Variants in NXPH2 observed in about 807,000 individuals in gnomAD.
The protein encoded by NXPH2 is neurexophilin 2.
Under a neutral mutation model 19.8 loss-of-function variants are expected in NXPH2, and 5 were observed. That is an observed-to-expected ratio of 0.25 (90% confidence interval 0.13 to 0.53). NXPH2 has a LOEUF of 0.53. Ranked by LOEUF, NXPH2 falls within the 20% of genes least tolerant of loss-of-function variation. The pLI, the probability that NXPH2 is intolerant of heterozygous loss-of-function variation, is 0.96. For missense variants in NXPH2, 289 were observed against 322.8 expected (o/e 0.90, Z 0.80); for synonymous variants, 154 against 127.4 (o/e 1.21, Z -1.41).
intron 1 of NXPH2, among the ~76,000 whole-genome samples, chr2:138,764,651 A>G (rs185254999): frequency 1.1e-3 from 165 of 152,340 alleles, no homozygotes; most frequent in Non-Finnish European, 1.6e-3. Flanking sequence ...AGGACTATCT[A>G]TCTATCTATC....
Position 138,710,225 on chromosome 2 carries a change from G to A in NXPH2, c.52-38560C>T, listed in dbSNP as rs369263158. 1.8e-4 allele frequency among the ~76,000 whole-genome samples: 28 copies of A among 152,190 alleles called. No homozygotes were observed. The South Asian group carries it at 2.9e-3, about 16-fold the overall frequency. On this transcript the variant is annotated intron_variant, in intron 1 of 1. Transcript: ENST00000272641. ...TAATGTTTTCAGGTTTGTCCATGCC[G>A]TAAATATATCAGAACTCCATTCCTT... is the stretch of plus-strand genomic sequence containing the variant.
chr2:138,673,191 G>A (rs1204093815), intron 1 of NXPH2, among the ~76,000 whole-genome samples: 4 of 152,046 alleles, frequency 2.6e-5, no homozygotes, highest in Non-Finnish European at 4.4e-5. Context: ...CTTACATTTT[G>A]AGAACCTAAA....
At chr2:138,687,092 G>A (rs1680670605) in intron 1 of NXPH2, among the ~76,000 whole-genome samples, 1 of 152,126 alleles carries the variant, frequency 6.6e-6, no homozygotes, top group Admixed American at 6.5e-5. Context: ...TGGGTCAAAT[G>A]GTATTTCTAG....
chr2:138,744,294 A>G (rs1681691662), intron 1 of NXPH2, among the ~76,000 whole-genome samples: 1 of 152,156 alleles, frequency 6.6e-6, no homozygotes, highest in African/African-American at 2.4e-5. Flanking sequence ...AGTCTGTGAA[A>G]CTGATGATTG....
At chr2:138,759,729 C>CT (rs772878668) in intron 1 of NXPH2, among the ~76,000 whole-genome samples, 36,861 of 126,542 alleles carry the variant, frequency 0.29, 6,349 homozygotes, top group East Asian at 0.63. Flanking sequence ...CCTATGCCAC[C>CT]TTTTTTTTTT....
intron 1 of NXPH2, among the ~76,000 whole-genome samples, chr2:138,757,825 C>G (rs879904965): frequency 2.6e-5 from 3 of 115,826 alleles, no homozygotes; most frequent in Non-Finnish European, 6.1e-5. Context: ...ATCTATCTAT[C>G]TATCTATCTA....
chr2:138,694,877 G>A (rs1377482839), intron 1 of NXPH2, among the ~76,000 whole-genome samples: 1 of 152,182 alleles, frequency 6.6e-6, no homozygotes, highest in Non-Finnish European at 1.5e-5. Flanking sequence ...GCTATTGCAA[G>A]TGTTTGGAGC....
chr2:138,674,329 T>C (rs1680454923), intron 1 of NXPH2, among the ~76,000 whole-genome samples: 1 of 152,062 alleles, frequency 6.6e-6, no homozygotes, highest in East Asian at 1.9e-4. Flanking sequence ...AGTTTTTGTG[T>C]TTTTAGTGGA....
chr2:138,757,653 G>A (rs1681933293), intron 1 of NXPH2, among the ~76,000 whole-genome samples: 1 of 152,074 alleles, frequency 6.6e-6, no homozygotes, highest in Non-Finnish European at 1.5e-5. Context: ...CAGGCTTACA[G>A]AGACTGATTA....
intron 1 of NXPH2, among the ~76,000 whole-genome samples, chr2:138,749,230 T>C (rs969786334): frequency 2.0e-5 from 3 of 152,288 alleles, no homozygotes. Flanking sequence ...CCTGCTGCCA[T>C]GTGAAGAAAG....
intron 1 of NXPH2, among the ~76,000 whole-genome samples, chr2:138,679,666 T>C (rs1364844173): frequency 6.6e-6 from 1 of 152,104 alleles, no homozygotes; most frequent in Non-Finnish European, 1.5e-5. Flanking sequence ...TCCCAAAGTG[T>C]TGGGATTACA....
chr2:138,751,221 T>C (rs1681824034), intron 1 of NXPH2, among the ~76,000 whole-genome samples: 1 of 152,140 alleles, frequency 6.6e-6, no homozygotes, highest in Non-Finnish European at 1.5e-5. Context: ...CATTTGTGCA[T>C]GGAATCAGTA....
At chr2:138,689,089 C>A (rs539279343) in intron 1 of NXPH2, among the ~76,000 whole-genome samples, 1 of 152,280 alleles carries the variant, frequency 6.6e-6, no homozygotes, top group East Asian at 1.9e-4. Flanking sequence ...TTCGTATTGC[C>A]ATTTCTCCCT....
intron 1 of NXPH2, among the ~76,000 whole-genome samples, chr2:138,680,746 A>G (rs769890643): frequency 6.6e-6 from 1 of 152,230 alleles, no homozygotes; most frequent in African/African-American, 2.4e-5. Context: ...GAAATCCAGG[A>G]CTTACTGGCT....
chr2:138,686,417 G>T (rs771914376), intron 1 of NXPH2, among the ~76,000 whole-genome samples: 15 of 151,998 alleles, frequency 9.9e-5, no homozygotes, highest in Admixed American at 7.2e-4. Flanking sequence ...CACCCATTAG[G>T]AATTAGGCCC....
At chr2:138,692,029 G>A (rs532573035) in intron 1 of NXPH2, among the ~76,000 whole-genome samples, 20 of 152,264 alleles carry the variant, frequency 1.3e-4, no homozygotes, top group African/African-American at 2.9e-4. Context: ...AGGTGATAGC[G>A]TAGTAGCTAC....
At chr2:138,711,420 C>T (rs901957762) in intron 1 of NXPH2, among the ~76,000 whole-genome samples, 1 of 152,036 alleles carries the variant, frequency 6.6e-6, no homozygotes, top group South Asian at 2.1e-4. Context: ...GGATTACAGG[C>T]GTGAGCCACC....
chr2:138,778,491 T>C (rs1682300290), intron 1 of NXPH2, among the ~76,000 whole-genome samples: 1 of 152,188 alleles, frequency 6.6e-6, no homozygotes, highest in African/African-American at 2.4e-5. Context: ...ATATAGTAGC[T>C]GGGAGAAGAA....
At chr2:138,684,850 C>T (rs953926129) in intron 1 of NXPH2, among the ~76,000 whole-genome samples, 7 of 152,188 alleles carry the variant, frequency 4.6e-5, no homozygotes, top group Admixed American at 1.3e-4. Context: ...TTCTCTGTCC[C>T]TATCAGTCCA....
Sources: allele counts gnomAD v4.1 joint callset (sites outside exome capture counted in the v4.1 genomes callset), GRCh38; gene constraint gnomAD v4.1.1; transcripts MANE v1.5; gene names NCBI Gene and HGNC (gene_info 2026-07-23, HGNC 2026-07-21).